Variants in PRRG1 observed in about 807,000 individuals in gnomAD.
The protein encoded by PRRG1 is transmembrane gamma-carboxyglutamic acid protein 1.
PRRG1 carries 5 observed loss-of-function variants against 11.8 expected under a neutral mutation model. The observed-to-expected ratio is 0.42, with a 90% CI of 0.22 to 0.89. PRRG1 has a LOEUF of 0.89. Among genes scored for constraint, PRRG1 ranks in the 40% least tolerant of loss-of-function variants. PRRG1 has a pLI of 0.28. For synonymous variants in PRRG1, 66 were observed against 60.4 expected, an observed-to-expected ratio of 1.09 and a Z score of -0.43; for missense variants, 155 against 166.1, an observed-to-expected ratio of 0.93 and a Z score of 0.37.
At chrX:37,381,694 A>G (rs1350586174) in intron 1 of PRRG1, among the ~76,000 whole-genome samples, 3 of 111,142 alleles carry the variant, frequency 2.7e-5, no homozygotes, top group Non-Finnish European at 5.7e-5. Flanking sequence ...CTTTTATTAC[A>G]TGATTTTGTG....
chrX:37,408,768 C>T (rs1556382801), intron 2 of PRRG1, among the ~76,000 whole-genome samples: 3 of 111,768 alleles, frequency 2.7e-5, no homozygotes, highest in African/African-American at 9.8e-5. Context: ...ATGTTTGATC[C>T]TCACCCAATC....
intron 3 of PRRG1, 70 bp from the exon 4 acceptor site, chrX:37,453,066 A>G (rs1239854432): frequency 9.4e-7 from 1 of 1,060,030 alleles, no homozygotes; most frequent in Non-Finnish European, 1.2e-6. Context: ...GAACCCAGAC[A>G]TTTATTCATC....
intron 2 of PRRG1, among the ~76,000 whole-genome samples, chrX:37,411,876 T>C (rs1480062543): frequency 8.9e-6 from 1 of 112,177 alleles, no homozygotes; most frequent in Non-Finnish European, 1.9e-5. Flanking sequence ...AATAGCTTAA[T>C]GATTGCAATC....
At chrX:37,380,689 G>A (rs1344991405) in intron 1 of PRRG1, among the ~76,000 whole-genome samples, 2 of 110,842 alleles carry the variant, frequency 1.8e-5, no homozygotes, top group African/African-American at 6.6e-5. Context: ...GGGAAAGAAG[G>A]AATTTACAGA....
chrX:37,361,265 C>A (rs782452037), intron 1 of PRRG1, among the ~76,000 whole-genome samples: 1 of 109,699 alleles, frequency 9.1e-6, no homozygotes, highest in Non-Finnish European at 1.9e-5. Flanking sequence ...TGGCGTGAAC[C>A]CGGGAGGCAG....
intron 1 of PRRG1, among the ~76,000 whole-genome samples, chrX:37,357,194 C>T (rs782040378): frequency 2.7e-5 from 3 of 111,235 alleles, no homozygotes; most frequent in African/African-American, 6.5e-5. Context: ...TTTCTTTCAC[C>T]TAGTAACGTT....
intron 2 of PRRG1, among the ~76,000 whole-genome samples, chrX:37,420,308 C>T (rs1932618204): frequency 9.0e-6 from 1 of 111,429 alleles, no homozygotes; most frequent in Non-Finnish European, 1.9e-5. Context: ...AACCACAAGG[C>T]TCCCCCCATC....
chrX:37,401,110 G>A (rs1490727069), intron 1 of PRRG1, among the ~76,000 whole-genome samples: 2 of 110,704 alleles, frequency 1.8e-5, no homozygotes, highest in Non-Finnish European at 3.8e-5. Context: ...TAGAAAAAGA[G>A]GGAATCCTCC....
chrX:37,450,543 C>T (rs1010883537), intron 3 of PRRG1, among the ~76,000 whole-genome samples: 2 of 111,820 alleles, frequency 1.8e-5, no homozygotes, highest in Admixed American at 9.5e-5. Context: ...TGCAAGCAAG[C>T]GTGCAAAAAA....
At chrX:37,389,041 T>C (rs1931433209) in intron 1 of PRRG1, among the ~76,000 whole-genome samples, 1 of 112,051 alleles carries the variant, frequency 8.9e-6, no homozygotes. Flanking sequence ...AGTTCAAAGT[T>C]CCACAGATCC....
At chrX:37,440,879 T>C (rs1556393438) in intron 3 of PRRG1, 1 of 507,835 alleles carries the variant, frequency 2.0e-6, no homozygotes, top group Non-Finnish European at 3.5e-6. Flanking sequence ...TCCTCCCATC[T>C]CAGCCTCCCA....
chrX:37,383,025 A>G lies in PRRG1; in HGVS notation c.-41-23184A>G, dbSNP rs1044075612. Among the ~76,000 whole-genome samples, 3 of 111,673 alleles carry G rather than the reference A, an allele frequency of 2.7e-5. No individual in the cohort carries two copies. In the Admixed American group the frequency reaches 2.8e-4, roughly 11 times the overall value. On this transcript the variant is annotated intron_variant, in intron 1 of 3. Transcript: ENST00000378628. ...ATCGATAATTCAAGCCTAGAATTCC[A>G]CATTATTTTTAGATTTTCTTTACCT...
At position 37,453,540 on chromosome X, in the gene PRRG1, A is replaced by G. The variant is rs1232336515; in HGVS notation, c.576A>G (p.Pro192=). 2 of 1,206,058 alleles carry G rather than the reference A, an allele frequency of 1.7e-6. No homozygotes were observed. The highest frequency in any genetic ancestry group is 1.8e-5 in the African/African-American group (1 of 56,390). The change falls in exon 4 of 4, where the codon CCA becomes CCG. Residue 192 remains proline (P), a synonymous_variant. Coordinates refer to ENST00000378628, the MANE Select transcript of PRRG1 (RefSeq NM_001142395.2). The part of the protein sequence containing the change: ...QRSETEPHLD[P]PPEYEDIVNS... ...GTGAAACAGAACCTCATTTAGACCC[A>G]CCCCCAGAGTATGAGGACATAGTCA...
intron 2 of PRRG1, among the ~76,000 whole-genome samples, chrX:37,422,303 T>C (rs1556387277): frequency 8.9e-6 from 1 of 112,368 alleles, no homozygotes; most frequent in South Asian, 3.7e-4. Context: ...CACATTAACA[T>C]ATATATTGTC....
chrX:37,393,077 A>G (rs1161076453), intron 1 of PRRG1, among the ~76,000 whole-genome samples: 1 of 111,282 alleles, frequency 9.0e-6, no homozygotes, highest in Non-Finnish European at 1.9e-5. Context: ...GACAACAGAA[A>G]CAAAGTATCC....
At chrX:37,388,809 T>G (rs1301227403) in intron 1 of PRRG1, among the ~76,000 whole-genome samples, 1 of 113,105 alleles carries the variant, frequency 8.8e-6, no homozygotes, top group East Asian at 2.8e-4. Flanking sequence ...GCAGCCTTCT[T>G]GAATTCTTCT....
chrX:37,454,156 A>G lies in PRRG1; in HGVS notation c.*535A>G, dbSNP rs1921264213. ...TACCTTAAAAAGAAAAAAATTACAC[A>G]TAGTCATTCTTGATGTTATAAATAG... On this transcript the variant is annotated 3_prime_UTR_variant, in exon 4 of 4. Coordinates refer to ENST00000378628, the MANE Select transcript of PRRG1 (RefSeq NM_001142395.2). The G allele has an allele frequency of 8.9e-6, 1 of 112,469 alleles. No individual in the cohort carries two copies. Among genetic ancestry groups the G allele is most frequent in the Admixed American group, 9.4e-5 (1 of 10,616 alleles). 9.3% of individuals were successfully genotyped at this position (112,469 alleles called of 1,213,427 possible).
chrX:37,408,722 A>G (rs1932266911), intron 2 of PRRG1, among the ~76,000 whole-genome samples: 1 of 112,056 alleles, frequency 8.9e-6, no homozygotes, highest in Non-Finnish European at 1.9e-5. Context: ...ATTGCCTAAA[A>G]TAATTTCTTA....
chrX:37,408,190 C>G (rs1346671666), intron 2 of PRRG1, among the ~76,000 whole-genome samples: 1 of 111,676 alleles, frequency 9.0e-6, no homozygotes, highest in Non-Finnish European at 1.9e-5. Flanking sequence ...GGTCCTTAGT[C>G]TCATGTCGAG....
Sources: allele counts gnomAD v4.1 joint callset (sites outside exome capture counted in the v4.1 genomes callset), GRCh38; gene constraint gnomAD v4.1.1; transcripts MANE v1.5; gene names NCBI Gene and HGNC (gene_info 2026-07-23, HGNC 2026-07-21).